The following SPAG16 variants were observed in gnomAD, a reference collection of about 807,000 sequenced individuals.
SPAG16 encodes sperm associated antigen 16.
SPAG16 carries 86 observed loss-of-function variants against 80.4 expected under a neutral mutation model. The ratio of observed to expected loss-of-function variants is 1.07; its 90% CI spans 0.90 to 1.28. SPAG16 has a LOEUF of 1.28. SPAG16 is among the 50% of genes most tolerant of loss of function. SPAG16 has a pLI of 0.00. For synonymous variants in SPAG16, 294 were observed against 265.9 expected (o/e 1.11, Z -1.03); for missense variants, 870 against 765.3 (o/e 1.14, Z -1.61).
At chr2:213,481,119 A>C (rs1018050614) in intron 9 of SPAG16, among the ~76,000 whole-genome samples, 2 of 152,224 alleles carry the variant, frequency 1.3e-5, no homozygotes, top group Non-Finnish European at 2.9e-5. Context: ...AGGCAAATTT[A>C]ACCTTTATAA....
intron 9 of SPAG16, among the ~76,000 whole-genome samples, chr2:213,460,656 A>G (rs1434262605): frequency 6.6e-6 from 1 of 152,198 alleles, no homozygotes; most frequent in South Asian, 2.1e-4. Context: ...TTTGATATAC[A>G]TGTGCATGGC....
At chr2:214,047,709 A>C (rs892619817) in intron 13 of SPAG16, among the ~76,000 whole-genome samples, 1 of 152,222 alleles carries the variant, frequency 6.6e-6, no homozygotes, top group Non-Finnish European at 1.5e-5. Flanking sequence ...CATCATGTTA[A>C]AAAGCTTCTA....
chr2:213,493,047 C>A (rs1262873805), intron 10 of SPAG16, among the ~76,000 whole-genome samples: 1 of 152,084 alleles, frequency 6.6e-6, no homozygotes, highest in Admixed American at 6.5e-5. Context: ...TCTGGTTAAC[C>A]CAAAGGCAAA....
At chr2:214,181,098 A>T (rs2057295270) in intron 15 of SPAG16, among the ~76,000 whole-genome samples, 1 of 151,880 alleles carries the variant, frequency 6.6e-6, no homozygotes, top group Non-Finnish European at 1.5e-5. Flanking sequence ...ATAATTTTAT[A>T]AAAATGACAT....
At chr2:213,507,946 T>C (rs1007529772) in intron 10 of SPAG16, among the ~76,000 whole-genome samples, 3 of 152,208 alleles carry the variant, frequency 2.0e-5, no homozygotes, top group Non-Finnish European at 2.9e-5. Flanking sequence ...AGTAGATTAC[T>C]CATTTGACTG....
At chr2:213,354,189 T>C (rs1403362431) in intron 7 of SPAG16, among the ~76,000 whole-genome samples, 1 of 152,176 alleles carries the variant, frequency 6.6e-6, no homozygotes, top group East Asian at 1.9e-4. Flanking sequence ...TCCAGCTTCA[T>C]CCATGTTCAT....
intron 15 of SPAG16, among the ~76,000 whole-genome samples, chr2:214,306,397 A>AACTT (rs1694916651): frequency 6.6e-6 from 1 of 152,166 alleles, no homozygotes; most frequent in South Asian, 2.1e-4. Flanking sequence ...CCCTGGCCAG[A>AACTT]ACTTCCAATA....
intron 7 of SPAG16, among the ~76,000 whole-genome samples, chr2:213,352,902 C>T (rs1056192087): frequency 6.6e-6 from 1 of 152,152 alleles, no homozygotes; most frequent in Non-Finnish European, 1.5e-5. Flanking sequence ...GTGAGTTAAA[C>T]CAGTCTCTTT....
At chr2:213,718,741 G>A (rs1297981125) in intron 10 of SPAG16, among the ~76,000 whole-genome samples, 6 of 152,188 alleles carry the variant, frequency 3.9e-5, no homozygotes, top group South Asian at 2.1e-4. Flanking sequence ...GGCAGGGCTC[G>A]GGACCTGCAG....
At chr2:214,328,140 A>G (rs1350594308) in intron 15 of SPAG16, among the ~76,000 whole-genome samples, 1 of 151,614 alleles carries the variant, frequency 6.6e-6, no homozygotes, top group Non-Finnish European at 1.5e-5. Context: ...TTAATTGACA[A>G]TGTTTAGCAG....
intron 15 of SPAG16, among the ~76,000 whole-genome samples, chr2:214,382,554 G>C (rs1164150178): frequency 6.6e-6 from 1 of 152,152 alleles, no homozygotes; most frequent in Admixed American, 6.5e-5. Context: ...AGGAGGGTGT[G>C]CTTGAAAAGA....
chr2:214,103,707 C>A (rs958999051), intron 13 of SPAG16, among the ~76,000 whole-genome samples: 2 of 152,028 alleles, frequency 1.3e-5, no homozygotes, highest in Non-Finnish European at 2.9e-5. Context: ...ATTATCCTGA[C>A]AGTACAAAGG....
At chr2:213,663,795 C>T (rs993636056) in intron 10 of SPAG16, among the ~76,000 whole-genome samples, 1 of 151,840 alleles carries the variant, frequency 6.6e-6, no homozygotes, top group Non-Finnish European at 1.5e-5. Flanking sequence ...TTATTTAATA[C>T]ACAAAAAGGG....
chr2:213,532,412 A>G (rs1331133570), intron 10 of SPAG16, among the ~76,000 whole-genome samples: 1 of 152,054 alleles, frequency 6.6e-6, no homozygotes, highest in Non-Finnish European at 1.5e-5. Context: ...CATTATGAAG[A>G]CAAATTCTGT....
chr2:213,552,717 T>G (rs1334205706), intron 10 of SPAG16, among the ~76,000 whole-genome samples: 1 of 152,082 alleles, frequency 6.6e-6, no homozygotes, highest in Non-Finnish European at 1.5e-5. Flanking sequence ...CAAAGAAGAT[T>G]AACATTTGAG....
At chr2:213,405,418 T>G (rs2125360479) in intron 9 of SPAG16, among the ~76,000 whole-genome samples, 1 of 152,310 alleles carries the variant, frequency 6.6e-6, no homozygotes, top group South Asian at 2.1e-4. Flanking sequence ...TGTGTAATGA[T>G]CAAATCTGGG....
At chr2:213,886,302 G>A (rs935440461) in intron 11 of SPAG16, among the ~76,000 whole-genome samples, 31 of 152,224 alleles carry the variant, frequency 2.0e-4, no homozygotes, top group African/African-American at 7.5e-4. Flanking sequence ...TGGTTTCTAT[G>A]TCCTGCCTCC....
At chr2:214,195,515 A>G (rs1298847420) in intron 15 of SPAG16, among the ~76,000 whole-genome samples, 1 of 151,978 alleles carries the variant, frequency 6.6e-6, no homozygotes, top group Non-Finnish European at 1.5e-5. Context: ...ACAGTGGTGG[A>G]GGTGGAGATA....
intron 15 of SPAG16, among the ~76,000 whole-genome samples, chr2:214,359,623 C>A (rs534642689): frequency 6.6e-6 from 1 of 151,898 alleles, no homozygotes; most frequent in Non-Finnish European, 1.5e-5. Context: ...GTTCTATTTA[C>A]ATCTTTAATA....
Sources: allele counts gnomAD v4.1 joint callset (sites outside exome capture counted in the v4.1 genomes callset), GRCh38; gene constraint gnomAD v4.1.1; transcripts MANE v1.5; gene names NCBI Gene and HGNC (gene_info 2026-07-23, HGNC 2026-07-21).